Variants in SLC39A12 observed in about 807,000 individuals in gnomAD.
The protein encoded by SLC39A12 is solute carrier family 39 member 12.
A neutral mutation model predicts 71.1 loss-of-function variants in SLC39A12; 63 were observed. That is an observed-to-expected ratio of 0.89 (90% CI 0.72 to 1.09). The LOEUF is 1.09. SLC39A12 is among the 50% of genes least tolerant of loss of function. The pLI is 0.00. For synonymous variants in SLC39A12, 351 were observed against 301.3 expected (o/e 1.16, Z -1.71); for missense variants, 892 against 812.6 (o/e 1.10, Z -1.19).
intron 12 of SLC39A12, among the ~76,000 whole-genome samples, chr10:18,041,944 T>C (rs1837267960): frequency 6.6e-6 from 1 of 151,006 alleles, no homozygotes; most frequent in Non-Finnish European, 1.5e-5. Context: ...GGAGATAATG[T>C]CCTTACTGTT....
At chr10:18,042,314 CAA>C (rs961641602) in intron 12 of SLC39A12, among the ~76,000 whole-genome samples, 2 of 151,652 alleles carry the variant, frequency 1.3e-5, no homozygotes, top group South Asian at 4.2e-4. Flanking sequence ...CCCATCTCTA[CAA>C]AAAAATGCAA....
intron 12 of SLC39A12, among the ~76,000 whole-genome samples, chr10:18,036,794 A>ATAT (rs1554855475): frequency 4.7e-4 from 44 of 92,820 alleles, no homozygotes; most frequent in Non-Finnish European, 6.2e-4. Flanking sequence ...ATATATATAT[A>ATAT]TTTTTTTTTT....
At chr10:17,967,779 C>T (rs1182508583) in intron 4 of SLC39A12, among the ~76,000 whole-genome samples, 2 of 150,438 alleles carry the variant, frequency 1.3e-5, no homozygotes, top group Non-Finnish European at 3.0e-5. Flanking sequence ...CCCAGCTACT[C>T]GGGAGGCTGA....
chr10:18,037,067 G>A (rs561416440), intron 12 of SLC39A12, among the ~76,000 whole-genome samples: 4 of 151,972 alleles, frequency 2.6e-5, no homozygotes, highest in African/African-American at 9.6e-5. Context: ...GATTACAGGT[G>A]TGAGCCACCA....
Position 18,028,141 on chromosome 10 carries a change from C to T in SLC39A12, c.1948-14564C>T, listed in dbSNP as rs72780030. Among the ~76,000 whole-genome samples the T allele has an allele frequency of 1.5e-3, 226 of 152,320 alleles. 1 individual carries two copies. The highest frequency in any genetic ancestry group is 2.7e-3 in the Non-Finnish European group (182 of 68,028). On this transcript the variant is annotated intron_variant, in intron 12 of 12. Transcript: ENST00000377369. The stretch of plus-strand genomic sequence containing the variant: ...ACTTTATGAATGGAGAAGCAAATCA[C>T]TTCTAAGCATTCATAATGCCAAAAG...
chr10:17,987,711 C>CTGG (rs2130819692), intron 7 of SLC39A12, 60 bp downstream of exon 7: 1 of 1,570,112 alleles, frequency 6.4e-7, no homozygotes, highest in East Asian at 2.2e-5. Context: ...CTTTTAACCA[C>CTGG]TGGAGGTATT....
chr10:18,042,084 C>T (rs549134039), intron 12 of SLC39A12, among the ~76,000 whole-genome samples: 57 of 151,866 alleles, frequency 3.8e-4, no homozygotes, highest in African/African-American at 1.4e-3. Flanking sequence ...TAGAACAGTC[C>T]AAAATAATAA....
At chr10:18,041,794 T>C (rs796894368) in intron 12 of SLC39A12, among the ~76,000 whole-genome samples, 24 of 135,278 alleles carry the variant, frequency 1.8e-4, no homozygotes, top group Non-Finnish European at 2.4e-4. Context: ...CATATGTGTC[T>C]ATATGTATAT....
chr10:17,984,407 T>A (rs1197964865), intron 6 of SLC39A12, among the ~76,000 whole-genome samples: 1 of 152,230 alleles, frequency 6.6e-6, no homozygotes, highest in East Asian at 1.9e-4. Context: ...GCCTGGGAAA[T>A]GTTGTACCCT....
chr10:18,039,037 G>A (rs565035273), intron 12 of SLC39A12, among the ~76,000 whole-genome samples: 1 of 152,244 alleles, frequency 6.6e-6, no homozygotes, highest in East Asian at 1.9e-4. Flanking sequence ...AATCGTGATG[G>A]TTCAATAAAT....
chr10:17,957,058 G>A (rs924943950), intron 2 of SLC39A12, among the ~76,000 whole-genome samples: 4 of 152,074 alleles, frequency 2.6e-5, no homozygotes, highest in Non-Finnish European at 4.4e-5. Flanking sequence ...ACTTAAAAGA[G>A]ACTGTCTTCT....
chr10:17,983,793 C>A (rs1835332928), intron 6 of SLC39A12, among the ~76,000 whole-genome samples: 1 of 151,926 alleles, frequency 6.6e-6, no homozygotes, highest in Admixed American at 6.6e-5. Context: ...AAAAACAAAA[C>A]AAAACAAAAC....
chr10:17,958,198 G>A (rs1834598079), intron 2 of SLC39A12, among the ~76,000 whole-genome samples: 1 of 152,116 alleles, frequency 6.6e-6, no homozygotes, highest in South Asian at 2.1e-4. Context: ...AATGATGCAT[G>A]GACAGGAGTC....
At position 18,030,291 on chromosome 10, in the gene SLC39A12, C is replaced by A. The variant is rs188809902; in HGVS notation, c.1948-12414C>A. Among the ~76,000 whole-genome samples, 339 of 150,580 alleles carry A rather than the reference C, an allele frequency of 2.3e-3. 1 individual carries two copies. Among genetic ancestry groups the A allele is most frequent in the African/African-American group, 7.5e-3 (309 of 41,032 alleles). ...TTCTTTTTTTTTTTTGAGATGGAGT[C>A]TCTCTCTGTCGCCCAGGCTGGAGCA... is the stretch of plus-strand genomic sequence containing the variant. On this transcript the variant is annotated intron_variant, in intron 12 of 12. Transcript: ENST00000377369.
intron 12 of SLC39A12, among the ~76,000 whole-genome samples, chr10:18,039,031 G>A (rs1056208743): frequency 3.9e-5 from 6 of 152,062 alleles, no homozygotes; most frequent in African/African-American, 1.4e-4. Context: ...CAAAATAATC[G>A]TGATGGTTCA....
At chr10:18,036,305 G>A (rs531903030) in intron 12 of SLC39A12, among the ~76,000 whole-genome samples, 5 of 152,254 alleles carry the variant, frequency 3.3e-5, no homozygotes, top group East Asian at 3.9e-4. Context: ...GTGAGACTCC[G>A]TGGGCGTAGG....
In SLC39A12 at chr10:18,041,707, GTA is replaced by G. The variant is rs1564668317; in HGVS notation, c.1948-993_1948-992del. On this transcript the variant is annotated intron_variant, in intron 12 of 12. Coordinates refer to ENST00000377369, the MANE Select transcript of SLC39A12 (RefSeq NM_001145195.2). ...CATATGTATATATGTGTATATATATGTATATACATATGTATATATGTGTATAT... is the reference window on the plus strand; with the variant it reads ...CATATGTATATATGTGTATATATATGTATACATATGTATATATGTGTATAT... 1.7e-3 allele frequency among the ~76,000 whole-genome samples: 172 copies of G among 99,716 alleles called. 1 individual carries two copies. The highest frequency in any genetic ancestry group is 6.4e-3 in the African/African-American group (157 of 24,692). The allele number at this position is 99,716 out of a possible 152,430, so 65.4% of individuals were successfully genotyped here. A position where few individuals can be genotyped will look rare whatever the true frequency, so the allele number is the denominator to read the frequency against.
At position 17,987,541 on chromosome 10, in the gene SLC39A12, C is replaced by T. The variant is rs41306324; in HGVS notation, c.1159C>T (p.Leu387=). The part of the protein sequence containing the change: ...LTLGSMLGTA[L]VLFHSCEENY... ...ACTGGGCTCCATGCTGGGGACAGCG[C>T]TGGTCCTTTTCCATAGCTGTGAGGA... Residue 387 remains leucine, a synonymous_variant, in exon 7 of 13, where the codon CTG becomes TTG. Coordinates refer to ENST00000377369, the MANE Select transcript of SLC39A12 (RefSeq NM_001145195.2). 17 of 1,614,106 alleles carry T rather than the reference C, an allele frequency of 1.1e-5. No homozygotes were observed. The highest frequency in any genetic ancestry group is 1.4e-5 in the Non-Finnish European group (16 of 1,180,022).
At chr10:18,001,552 T>C (rs1835834356) in intron 11 of SLC39A12, among the ~76,000 whole-genome samples, 1 of 152,224 alleles carries the variant, frequency 6.6e-6, no homozygotes, top group African/African-American at 2.4e-5. Flanking sequence ...AACCAAACCA[T>C]GGTTTCATCA....
Sources: gnomAD v4.1 joint callset for allele counts (sites outside exome capture counted in the v4.1 genomes callset) on GRCh38, gnomAD v4.1.1 for gene constraint, MANE v1.5 for transcripts, NCBI Gene and HGNC (gene_info 2026-07-23, HGNC 2026-07-21) for gene names.